Variants in IQCH observed in about 807,000 individuals in gnomAD.
The protein encoded by IQCH is IQ motif containing H.
Under a neutral mutation model 117.0 loss-of-function variants are expected in IQCH, and 98 were observed. The ratio of observed to expected loss-of-function variants is 0.84; its 90% CI spans 0.71 to 0.99. The LOEUF (loss-of-function observed/expected upper bound fraction) is 0.99, where lower values mean the gene tolerates loss of function less well. IQCH is among the 50% of genes least tolerant of loss of function. The pLI, the probability that IQCH is intolerant of heterozygous loss-of-function variation, is 0.00. For missense variants in IQCH, 1,102 were observed against 1,243.8 expected (o/e 0.89, Z 1.72); for synonymous variants, 412 against 448.2 (o/e 0.92, Z 1.02).
rs1335688958 is a variant in IQCH at position 67,356,293 on chromosome 15, C to CCGGA, written c.638-1051_638-1048dup. ...GGACTACAAGTCACAGGGAAGCTTG[C>CCGGA]CGGAAGCCAGGGAAACCAGAGGGTT... On this transcript the variant is annotated intron_variant, in intron 6 of 20. Coordinates refer to ENST00000335894, the MANE Select transcript of IQCH (RefSeq NM_001031715.3). The surrounding 1 kb of genome is among the most constrained non-coding windows in gnomAD (Gnocchi z 5.3). Among the ~76,000 whole-genome samples the CCGGA allele has an allele frequency of 2.0e-5, 3 of 152,116 alleles. No homozygotes were observed. The highest frequency in any genetic ancestry group is 7.2e-5 in the African/African-American group (3 of 41,398).
At position 67,385,223 on chromosome 15, in the gene IQCH, A is replaced by G. The variant is rs1041685711; in HGVS notation, c.1456+204A>G. On this transcript the variant is annotated intron_variant, in intron 11 of 20. Transcript: ENST00000335894. This position sits in a 1 kb window ranked among gnomAD's most constrained non-coding sequence, Gnocchi z 4.6. ...GTAAAATCAACTTGAATAAAAAATG[A>G]CATTTTAACCAATTTACTTGGGCAG... Among the ~76,000 whole-genome samples, 1 of 152,178 alleles carries G rather than the reference A, an allele frequency of 6.6e-6. No individual in the cohort carries two copies. The highest frequency in any genetic ancestry group is 2.4e-5 in the African/African-American group (1 of 41,456).
chr15:67,270,223 C>A (rs1272512810), intron 3 of IQCH, among the ~76,000 whole-genome samples: 1 of 152,140 alleles, frequency 6.6e-6, no homozygotes. Flanking sequence ...CTTTCTCTTG[C>A]CTAATTGCTC....
intron 3 of IQCH, among the ~76,000 whole-genome samples, chr15:67,263,807 C>A (rs1965556719): frequency 6.6e-6 from 1 of 152,140 alleles, no homozygotes; most frequent in African/African-American, 2.4e-5. Context: ...CTTGAAATAT[C>A]TATTATGTGC....
intron 9 of IQCH, among the ~76,000 whole-genome samples, 154 bp downstream of exon 9, chr15:67,372,816 G>A (rs1970595939): frequency 6.6e-6 from 1 of 151,626 alleles, no homozygotes; most frequent in African/African-American, 2.4e-5. Context: ...AATGTATGAT[G>A]CACAAACCCC....
At chr15:67,312,405 A>G (rs983872022) in intron 4 of IQCH, among the ~76,000 whole-genome samples, 3 of 152,146 alleles carry the variant, frequency 2.0e-5, no homozygotes, top group African/African-American at 7.2e-5. Context: ...CCCAAAAGTT[A>G]GAGCCGTGAT....
intron 19 of IQCH, among the ~76,000 whole-genome samples, chr15:67,492,221 A>G (rs147040307): frequency 1.3e-5 from 2 of 152,312 alleles, no homozygotes; most frequent in African/African-American, 4.8e-5. Flanking sequence ...AGGTCCAAGT[A>G]TATTTCTAAG....
At chr15:67,279,789 T>TCA (rs1309644057) in intron 4 of IQCH, among the ~76,000 whole-genome samples, 2 of 152,130 alleles carry the variant, frequency 1.3e-5, no homozygotes, top group African/African-American at 4.8e-5. Context: ...GATCACAAGG[T>TCA]CAGGAGATCA....
rs2083332700 is a variant in IQCH, at chr15:67,481,344, A to C, written c.2799+5526A>C. Among the ~76,000 whole-genome samples, 1 of 152,218 alleles carries C rather than the reference A, an allele frequency of 6.6e-6. No homozygotes were observed. The highest frequency in any genetic ancestry group is 1.5e-5 in the Non-Finnish European group (1 of 68,048). On this transcript the variant is annotated intron_variant, in intron 18 of 20. Coordinates refer to ENST00000335894, the MANE Select transcript of IQCH (RefSeq NM_001031715.3). This position sits in a 1 kb window ranked among gnomAD's most constrained non-coding sequence, Gnocchi z 4.1. ...AGGGGAAGCAAACACATTCTTCTTC[A>C]CAAAATGGCAGGAGAGAGAAGTGCC...
chr15:67,493,975 C>T lies in IQCH; in HGVS notation c.2862-283C>T, dbSNP rs1256922990. Among the ~76,000 whole-genome samples, 2 of 152,140 alleles carry T rather than the reference C, an allele frequency of 1.3e-5. No homozygotes were observed. The highest frequency in any genetic ancestry group is 2.4e-5 in the African/African-American group (1 of 41,424). ...GCTTAAACCATTTTTAAAATGAACT[C>T]GTACAACATCCTAGCTCAGTGGTAG... On this transcript the variant is annotated intron_variant, in intron 19 of 20. Transcript: ENST00000335894. The surrounding 1 kb of genome is among the most constrained non-coding windows in gnomAD (Gnocchi z 5.1).
Position 67,376,025 on chromosome 15 carries a change from G to A in IQCH, c.1372+2592G>A, listed in dbSNP as rs1970725019. 6.6e-6 allele frequency among the ~76,000 whole-genome samples: 1 copy of A among 152,032 alleles called. No individual in the cohort carries two copies. Among genetic ancestry groups the A allele is most frequent in the Non-Finnish European group, 1.5e-5 (1 of 68,016 alleles). On this transcript the variant is annotated intron_variant, in intron 10 of 20. Coordinates refer to ENST00000335894, the MANE Select transcript of IQCH (RefSeq NM_001031715.3). The surrounding 1 kb of genome is among the most constrained non-coding windows in gnomAD (Gnocchi z 5.0). ...TGGTCTGGAACCCCTGACCTCAAGT[G>A]ATCCACCAGCCTCGGCCTCCCAAAG...
At chr15:67,450,013 T>G (rs1033687223) in intron 16 of IQCH, among the ~76,000 whole-genome samples, 27 of 152,352 alleles carry the variant, frequency 1.8e-4, no homozygotes, top group African/African-American at 6.0e-4. Flanking sequence ...TACTCATGAT[T>G]TGCCTCTCTG....
At chr15:67,439,552 A>G (rs960700535) in intron 16 of IQCH, among the ~76,000 whole-genome samples, 1 of 152,166 alleles carries the variant, frequency 6.6e-6, no homozygotes, top group Non-Finnish European at 1.5e-5. Context: ...TACCAAGATC[A>G]GAGCAGAACT....
rs1043471292 is a variant in IQCH, at chr15:67,411,214, G to A, written c.2098-5717G>A. Among the ~76,000 whole-genome samples the A allele has an allele frequency of 6.6e-6, 1 of 152,112 alleles. No individual in the cohort carries two copies. Among genetic ancestry groups the A allele is most frequent in the Non-Finnish European group, 1.5e-5 (1 of 68,022 alleles). On this transcript the variant is annotated intron_variant, in intron 14 of 20. Coordinates refer to ENST00000335894, the MANE Select transcript of IQCH (RefSeq NM_001031715.3). The surrounding 1 kb of genome is among the most constrained non-coding windows in gnomAD (Gnocchi z 4.4). Reference sequence around the variant, plus strand: ...TACCACTAGCTGATTCAAATCCGGAGCACCTTTCATGGTGCTCCCCACTTT... The same window carrying A: ...TACCACTAGCTGATTCAAATCCGGAACACCTTTCATGGTGCTCCCCACTTT...
chr15:67,473,564 G>C lies in IQCH; in HGVS notation c.2677-2132G>C, dbSNP rs1008114685. 1.3e-5 allele frequency among the ~76,000 whole-genome samples: 2 copies of C among 152,222 alleles called. No homozygotes were observed. The highest frequency in any genetic ancestry group is 4.8e-5 in the African/African-American group (2 of 41,446). On this transcript the variant is annotated intron_variant, in intron 17 of 20. Coordinates refer to ENST00000335894, the MANE Select transcript of IQCH (RefSeq NM_001031715.3). This position sits in a 1 kb window ranked among gnomAD's most constrained non-coding sequence, Gnocchi z 4.9. ...GTGTCTTTCTTAAATTACATACTTT[G>C]AAGAGTCTCTTAAGTCAGAGGGAAG...
intron 16 of IQCH, among the ~76,000 whole-genome samples, chr15:67,446,380 C>T (rs1017195306): frequency 6.6e-6 from 1 of 151,954 alleles, no homozygotes; most frequent in African/African-American, 2.4e-5. Flanking sequence ...GGAAGCTATA[C>T]ATTAAGAAAT....
At position 67,373,037 on chromosome 15, in the gene IQCH, CTT is replaced by C. The variant is rs200114518; in HGVS notation, c.1306-329_1306-328del. Among the ~76,000 whole-genome samples the C allele has an allele frequency of 6.1e-4, 92 of 152,060 alleles. 1 individual carries two copies. Among genetic ancestry groups the C allele is most frequent in the African/African-American group, 2.0e-3 (84 of 41,416 alleles). ...TTTGCTCAGAAAAAAAAAATCCTCT[CTT>C]GTCTACATTGCTGTCACCACTTTGT... is the stretch of plus-strand genomic sequence containing the variant. On this transcript the variant is annotated intron_variant, in intron 9 of 20. Coordinates refer to ENST00000335894, the MANE Select transcript of IQCH (RefSeq NM_001031715.3).
intron 4 of IQCH, among the ~76,000 whole-genome samples, chr15:67,294,429 A>G (rs1273579410): frequency 6.6e-6 from 1 of 152,172 alleles, no homozygotes; most frequent in Non-Finnish European, 1.5e-5. Context: ...TCAAAGCAAA[A>G]TATTTCCACG....
At position 67,394,622 on chromosome 15, in the gene IQCH, T is replaced by C. The variant is rs545651751; in HGVS notation, c.1633-669T>C. On this transcript the variant is annotated intron_variant, in intron 12 of 20. Transcript: ENST00000335894. ...TATTTAATTGAATGAGACAGTCACA[T>C]GTATTGCTGAGCTGGGACTAACTAG... Among the ~76,000 whole-genome samples the C allele has an allele frequency of 9.2e-5, 14 of 152,340 alleles. No individual in the cohort carries two copies. In the South Asian group the frequency reaches 2.9e-3, roughly 32 times the overall value.
chr15:67,255,543 C>T (rs1434018838), intron 1 of IQCH, among the ~76,000 whole-genome samples: 1 of 152,226 alleles, frequency 6.6e-6, no homozygotes, highest in Non-Finnish European at 1.5e-5. Flanking sequence ...GTAATAGTTG[C>T]ACTCAGATGT....
Sources: allele counts gnomAD v4.1 joint callset (sites outside exome capture counted in the v4.1 genomes callset), GRCh38; gene constraint gnomAD v4.1.1; non-coding constraint Gnocchi (gnomAD v3.1); transcripts MANE v1.5; gene names NCBI Gene and HGNC (gene_info 2026-07-23, HGNC 2026-07-21).